TMEM220: variants seen among roughly 807,000 people sequenced by gnomAD.
The protein encoded by TMEM220 is transmembrane protein 220.
In TMEM220, 21 loss-of-function variants were observed where a neutral mutation model predicts 21.7. That is an observed-to-expected ratio of 0.97 (90% CI 0.69 to 1.39). The LOEUF (loss-of-function observed/expected upper bound fraction) is 1.39, where lower values mean the gene tolerates loss of function less well. Among genes scored for constraint, TMEM220 ranks in the 40% most tolerant of loss-of-function variants. TMEM220 has a pLI of 0.00. For missense variants in TMEM220, 191 were observed against 201.9 expected (o/e 0.95, Z 0.33); for synonymous variants, 80 against 73.6 (o/e 1.09, Z -0.45).
chr17:10,712,036 T>G (rs1446216013), downstream of TMEM220, among the ~76,000 whole-genome samples: 1 of 152,240 alleles, frequency 6.6e-6, no homozygotes, highest in Non-Finnish European at 1.5e-5. Flanking sequence ...ACCTGGCGAC[T>G]TAAACCAACA....
intron 5 of TMEM220, 73 bp from the exon 6 acceptor site, chr17:10,715,661 A>G: frequency 9.0e-7 from 1 of 1,111,312 alleles, no homozygotes; most frequent in Non-Finnish European, 1.2e-6. Context: ...GACTGAATTG[A>G]TAAAACACAT....
intron 2 of TMEM220, among the ~76,000 whole-genome samples, chr17:10,727,882 C>T (rs1177284230): frequency 3.3e-5 from 5 of 152,044 alleles, no homozygotes; most frequent in African/African-American, 7.2e-5. Context: ...TATTTAGAGC[C>T]GGGCGCGGTG....
chr17:10,729,103 T>C (rs777581634), intron 1 of TMEM220, 43 bp from the exon 2 acceptor site: 4 of 1,611,314 alleles, frequency 2.5e-6, no homozygotes, highest in African/African-American at 2.7e-5. Context: ...CATCCTGTGC[T>C]GTTCCATTCC....
In TMEM220 at chr17:10,714,157, AC is replaced by A. The variant is rs1413187472; in HGVS notation, c.*1295del. On this transcript the variant is annotated 3_prime_UTR_variant, in exon 6 of 6. Coordinates refer to ENST00000341871, the MANE Select transcript of TMEM220 (RefSeq NM_001004313.3). The stretch of plus-strand genomic sequence containing the variant: ...AATATTGTTTCAACATGTAATCAAT[AC>A]AAAAAATATTTTCTGTTCTTTTTCT... The A allele has an allele frequency of 6.6e-6, 1 of 152,224 alleles. No individual in the cohort carries two copies. Among genetic ancestry groups the A allele is most frequent in the Non-Finnish European group, 1.5e-5 (1 of 68,026 alleles). 9.4% of individuals were successfully genotyped at this position (152,224 alleles called of 1,614,324 possible).
chr17:10,717,265 G>T lies in TMEM220; in HGVS notation c.348-1677C>A, dbSNP rs139571113. 3.0e-3 allele frequency among the ~76,000 whole-genome samples: 455 copies of T among 152,298 alleles called. 5 individuals are homozygous for T. Among genetic ancestry groups the T allele is most frequent in the African/African-American group, 0.011 (440 of 41,558 alleles). On this transcript the variant is annotated intron_variant, in intron 5 of 5. Coordinates refer to ENST00000341871, the MANE Select transcript of TMEM220 (RefSeq NM_001004313.3). ...ATATGGCCAGCCTCATCTCATTCCT[G>T]ATCTCAGAGGGAAAGTTTTCAACTG...
chr17:10,725,311 T>C (rs2075037652), intron 3 of TMEM220, among the ~76,000 whole-genome samples, 177 bp from the exon 4 acceptor site: 1 of 152,188 alleles, frequency 6.6e-6, no homozygotes, highest in Non-Finnish European at 1.5e-5. Flanking sequence ...AATTATAAAC[T>C]TCAGTGGCCA....
intron 5 of TMEM220, among the ~76,000 whole-genome samples, chr17:10,716,838 A>G (rs143822490): frequency 3.4e-3 from 521 of 152,300 alleles, no homozygotes; most frequent in African/African-American, 0.012. Flanking sequence ...TTATATGTTT[A>G]GCCCTCCAAT....
At position 10,723,294 on chromosome 17, in the gene TMEM220, A is replaced by G. The variant is rs2075013809; in HGVS notation, c.323T>C (p.Ile108Thr). 1.9e-6 allele frequency: 3 copies of G among 1,613,998 alleles called. No individual in the cohort carries two copies. The highest frequency in any genetic ancestry group is 2.5e-6 in the Non-Finnish European group (3 of 1,180,016). ...CTTTGAGGAACTGTGGCACAGGATA[A>G]TCCATGCTGTAATAATCACCAGACC... ...LSGLVIITAW[I>T]ILCHSSSKNP... Residue 108 changes from isoleucine to threonine, a missense_variant, in exon 5 of 6, where the codon ATT becomes ACT. Ile to Thr is a moderately conservative substitution (Grantham distance 89, BLOSUM62 -1). Coordinates refer to ENST00000341871, the MANE Select transcript of TMEM220 (RefSeq NM_001004313.3).
intron 1 of TMEM220, 120 bp downstream of exon 1, chr17:10,729,660 C>T (rs1414919680): frequency 2.0e-5 from 17 of 846,936 alleles, no homozygotes; most frequent in Non-Finnish European, 2.7e-5. Flanking sequence ...GCCCAAGTCC[C>T]GTCCTCCCCA....
rs1305200843 is a variant in TMEM220 at position 10,714,580 on chromosome 17, G to C, written c.*873C>G. On this transcript the variant is annotated 3_prime_UTR_variant, in exon 6 of 6. Coordinates refer to ENST00000341871, the MANE Select transcript of TMEM220 (RefSeq NM_001004313.3). ...TGCCTGCTCATTTGATTCATCTAGA[G>C]TTCTCCTTTAGTTCACTGCACTATG... 1 of 152,022 alleles carries C rather than the reference G, an allele frequency of 6.6e-6. No individual in the cohort carries two copies. Among genetic ancestry groups the C allele is most frequent in the Non-Finnish European group, 1.5e-5 (1 of 68,048 alleles). 9.4% of individuals were successfully genotyped at this position (152,022 alleles called of 1,614,324 possible). A position where few individuals can be genotyped will look rare whatever the true frequency, so the allele number is the denominator to read the frequency against.
At chr17:10,718,396 GAATC>G (rs990214358) in intron 5 of TMEM220, among the ~76,000 whole-genome samples, 1 of 151,742 alleles carries the variant, frequency 6.6e-6, no homozygotes. Flanking sequence ...TCATTTTAGA[GAATC>G]AATATTTGAC....
Position 10,716,403 on chromosome 17 carries a change from G to A in TMEM220, c.348-815C>T, listed in dbSNP as rs569208246. On this transcript the variant is annotated intron_variant, in intron 5 of 5. Transcript: ENST00000341871. The stretch of plus-strand genomic sequence containing the variant: ...TCATGACATCATTCTTGTAATTGCT[G>A]TGTTGGCTTATCTTAATTTCCCGTC... 117 of 645,266 alleles carry A rather than the reference G, an allele frequency of 1.8e-4. 2 individuals are homozygous for A. The highest frequency in any genetic ancestry group is 1.5e-3 in the South Asian group (111 of 73,548). The allele number at this position is 645,266 out of a possible 1,614,324, so 40.0% of individuals were successfully genotyped here. A position where few individuals can be genotyped will look rare whatever the true frequency, so the allele number is the denominator to read the frequency against.
At chr17:10,711,854 A>C (rs1253720600), downstream of TMEM220, among the ~76,000 whole-genome samples, 1 of 152,266 alleles carries the variant, frequency 6.6e-6, no homozygotes, top group Non-Finnish European at 1.5e-5. Context: ...ATATATGCTA[A>C]GGCTTATGTG....
At chr17:10,726,491 A>G in intron 2 of TMEM220, 1 of 553,914 alleles carries the variant, frequency 1.8e-6, no homozygotes, top group Non-Finnish European at 3.2e-6. Context: ...AGGCTATTCC[A>G]GAAGCTCATT....
downstream of TMEM220, among the ~76,000 whole-genome samples, chr17:10,711,589 A>G (rs868190726): frequency 7.9e-5 from 12 of 152,180 alleles, no homozygotes; most frequent in African/African-American, 2.7e-4. Context: ...ATAGGCTTGT[A>G]TTCCCATTTT....
rs17816894 is a variant in TMEM220, at chr17:10,715,907, A to T, written c.348-319T>A. On this transcript the variant is annotated intron_variant, in intron 5 of 5. Transcript: ENST00000341871. ...AGAATTTCCCTCACCAAGGTTTTGA[A>T]GGTATTCTCTAGAAGTTTTGTTTTG... The T allele has an allele frequency of 1.8e-4, 62 of 351,612 alleles. No individual in the cohort carries two copies. The East Asian group carries it at 3.0e-3, about 17-fold the overall frequency. 21.8% of individuals were successfully genotyped at this position (351,612 alleles called of 1,614,324 possible).
At chr17:10,718,230 A>C (rs2074945716) in intron 5 of TMEM220, among the ~76,000 whole-genome samples, 1 of 152,126 alleles carries the variant, frequency 6.6e-6, no homozygotes, top group African/African-American at 2.4e-5. Flanking sequence ...TTGTATTTTC[A>C]AATTTATTGG....
At position 10,715,375 on chromosome 17, in the gene TMEM220, ACTC is replaced by A. The variant is rs1223900387; in HGVS notation, c.*75_*77del. 7.2e-7 allele frequency: 1 copy of A among 1,388,800 alleles called. No homozygotes were observed. Among genetic ancestry groups the A allele is most frequent in the African/African-American group, 1.5e-5 (1 of 66,472 alleles). The allele number at this position is 1,388,800 out of a possible 1,614,324, so 86.0% of individuals were successfully genotyped here. On this transcript the variant is annotated 3_prime_UTR_variant, in exon 6 of 6. Coordinates refer to ENST00000341871, the MANE Select transcript of TMEM220 (RefSeq NM_001004313.3). The stretch of plus-strand genomic sequence containing the variant: ...TATTAGCCCAAATTACCTGAAATAA[ACTC>A]CTGGCTTGTTCCCCTAATGTTTATA...
chr17:10,712,569 C>A (rs1195580319), downstream of TMEM220, among the ~76,000 whole-genome samples: 3 of 152,066 alleles, frequency 2.0e-5, no homozygotes, highest in Non-Finnish European at 4.4e-5. Context: ...TGCTGTCACA[C>A]AAAGAAAGGA....
Sources: allele counts gnomAD v4.1 joint callset (sites outside exome capture counted in the v4.1 genomes callset), GRCh38; gene constraint gnomAD v4.1.1; transcripts MANE v1.5; gene names NCBI Gene and HGNC (gene_info 2026-07-23, HGNC 2026-07-21).